Variants in CACNA1D observed in about 807,000 individuals in gnomAD.
CACNA1D encodes voltage-dependent L-type calcium channel subunit alpha-1D.
In CACNA1D, 55 loss-of-function variants were observed where a neutral mutation model predicts 257.1. The observed-to-expected ratio is 0.21, with a 90% CI of 0.17 to 0.27. CACNA1D has a LOEUF of 0.27. Among genes scored for constraint, CACNA1D ranks in the 10% least tolerant of loss-of-function variants. CACNA1D has a pLI of 1.00. For synonymous variants in CACNA1D, 980 were observed against 1,014.9 expected, an observed-to-expected ratio of 0.97 and a Z score of 0.65; for missense variants, 1,876 against 2,784.0, an observed-to-expected ratio of 0.67 and a Z score of 7.34.
chr3:53,804,726 G>A (rs574918460), intron 44 of CACNA1D, among the ~76,000 whole-genome samples: 34 of 152,288 alleles, frequency 2.2e-4, no homozygotes, highest in African/African-American at 8.2e-4. Flanking sequence ...TGGCTCACAG[G>A]ACATCTGCGA....
chr3:53,764,407 A>G (rs2095320915), intron 30 of CACNA1D, among the ~76,000 whole-genome samples: 1 of 152,224 alleles, frequency 6.6e-6, no homozygotes, highest in African/African-American at 2.4e-5. Flanking sequence ...GATGGCCTAT[A>G]ATGGAAGCGA....
At chr3:53,728,154 A>G (rs1476200533) in intron 15 of CACNA1D, among the ~76,000 whole-genome samples, 2 of 152,134 alleles carry the variant, frequency 1.3e-5, no homozygotes, top group Non-Finnish European at 2.9e-5. Context: ...ATTATTTTAT[A>G]GAAGGAGTCT....
intron 3 of CACNA1D, among the ~76,000 whole-genome samples, chr3:53,539,397 C>T (rs1031692412): frequency 2.1e-4 from 32 of 152,258 alleles, no homozygotes; most frequent in African/African-American, 7.0e-4. Context: ...CATGAGCCAC[C>T]GTGCCAAGCC....
At chr3:53,687,220 G>C (rs1240335013) in intron 8 of CACNA1D, among the ~76,000 whole-genome samples, 1 of 152,026 alleles carries the variant, frequency 6.6e-6, no homozygotes, top group African/African-American at 2.4e-5. Flanking sequence ...TGCATTGAAT[G>C]TTGTCCCATT....
chr3:53,717,715 T>C (rs2633725), intron 9 of CACNA1D, among the ~76,000 whole-genome samples: 133,745 of 152,176 alleles, frequency 0.88, 58,896 homozygotes, highest in East Asian at 1. Context: ...GAACTTTCTG[T>C]GTATTGGCTT....
At chr3:53,790,416 A>C (rs2095477464) in intron 40 of CACNA1D, among the ~76,000 whole-genome samples, 1 of 152,252 alleles carries the variant, frequency 6.6e-6, no homozygotes, top group South Asian at 2.1e-4. Context: ...TTAACATTCA[A>C]GAATTTCCTT....
intron 9 of CACNA1D, 152 bp downstream of exon 9, chr3:53,702,962 G>T: frequency 1.2e-6 from 1 of 826,442 alleles, no homozygotes; most frequent in Non-Finnish European, 2.0e-6. Flanking sequence ...ATCACGGAGA[G>T]AACAGGTGCA....
intron 3 of CACNA1D, among the ~76,000 whole-genome samples, chr3:53,531,148 A>G (rs2091937571): frequency 6.6e-6 from 1 of 150,894 alleles, no homozygotes; most frequent in Non-Finnish European, 1.5e-5. Flanking sequence ...CACTGTGCCC[A>G]GCCTCCTCCT....
chr3:53,740,716 G>A (rs1044644286), intron 21 of CACNA1D, among the ~76,000 whole-genome samples: 4 of 151,706 alleles, frequency 2.6e-5, no homozygotes, highest in Admixed American at 6.6e-5. Flanking sequence ...CATGATAGTG[G>A]TTGAGAATTA....
chr3:53,565,083 C>T (rs576378100), intron 3 of CACNA1D, among the ~76,000 whole-genome samples: 1 of 152,238 alleles, frequency 6.6e-6, no homozygotes, highest in East Asian at 1.9e-4. Flanking sequence ...AACCCTTTCC[C>T]CACCTCTATA....
At chr3:53,630,162 T>C (rs1158108059) in intron 3 of CACNA1D, among the ~76,000 whole-genome samples, 2 of 152,236 alleles carry the variant, frequency 1.3e-5, no homozygotes, top group African/African-American at 2.4e-5. Context: ...TCTGATGAAG[T>C]AGGGCCACAG....
intron 3 of CACNA1D, among the ~76,000 whole-genome samples, chr3:53,541,048 G>GT (rs753082976): frequency 5.3e-5 from 8 of 152,062 alleles, no homozygotes; most frequent in Non-Finnish European, 8.8e-5. Flanking sequence ...GGCCGGCATG[G>GT]TATTTCATTG....
chr3:53,504,248 G>C (rs2090728886), intron 3 of CACNA1D, among the ~76,000 whole-genome samples: 1 of 150,740 alleles, frequency 6.6e-6, no homozygotes, highest in African/African-American at 2.4e-5. Flanking sequence ...GAAGCTGCTG[G>C]TTTTCTTTGC....
chr3:53,802,105 T>C, intron 42 of CACNA1D, 42 bp from the exon 43 acceptor site: 1 of 1,552,580 alleles, frequency 6.4e-7, no homozygotes, highest in South Asian at 1.1e-5. Flanking sequence ...AAATTAACTT[T>C]TATCTTCTCC....
intron 7 of CACNA1D, among the ~76,000 whole-genome samples, chr3:53,668,420 T>A (rs1246455196): frequency 1.3e-5 from 2 of 152,208 alleles, no homozygotes; most frequent in East Asian, 3.8e-4. Flanking sequence ...TAGGATGATA[T>A]AATTACTATT....
chr3:53,747,008 T>C (rs2680670), intron 25 of CACNA1D, among the ~76,000 whole-genome samples: 1 of 152,000 alleles, frequency 6.6e-6, no homozygotes, highest in Non-Finnish European at 1.5e-5. Flanking sequence ...TAAGAGATGC[T>C]CTCACCATGC....
intron 10 of CACNA1D, 173 bp downstream of exon 10, chr3:53,718,561 C>A: frequency 1.1e-6 from 1 of 944,432 alleles, no homozygotes; most frequent in Non-Finnish European, 1.6e-6. Flanking sequence ...GCTATCCCTC[C>A]TGCACACCTC....
chr3:53,517,840 G>T (rs2107310335), intron 3 of CACNA1D, among the ~76,000 whole-genome samples: 1 of 152,298 alleles, frequency 6.6e-6, no homozygotes, highest in East Asian at 1.9e-4. Context: ...CTTGAGATAG[G>T]TATTTACTGT....
intron 3 of CACNA1D, among the ~76,000 whole-genome samples, chr3:53,627,658 G>T (rs550499823): frequency 3.8e-4 from 58 of 151,924 alleles, no homozygotes; most frequent in African/African-American, 1.4e-3. Context: ...ATTATAAAGG[G>T]CTGGCTTAGT....
Sources: gnomAD v4.1 joint callset for allele counts (sites outside exome capture counted in the v4.1 genomes callset) on GRCh38, gnomAD v4.1.1 for gene constraint, MANE v1.5 for transcripts, NCBI Gene and HGNC (gene_info 2026-07-23, HGNC 2026-07-21) for gene names.